The following ASPA variants were observed in gnomAD, a reference collection of about 807,000 sequenced individuals.
ASPA encodes ACY-2.
In ASPA, 25 loss-of-function variants were observed where a neutral mutation model predicts 29.6. That is an observed-to-expected ratio of 0.85 (90% CI 0.62 to 1.18). ASPA has a LOEUF of 1.18. ASPA is among the 50% of genes most tolerant of loss of function. The probability of loss-of-function intolerance (pLI) is 0.00; values close to 1 mark genes in which losing one functional copy is unlikely to be tolerated. For synonymous variants in ASPA, 131 were observed against 130.3 expected, an observed-to-expected ratio of 1.01 and a Z score of -0.04; for missense variants, 333 against 385.7, an observed-to-expected ratio of 0.86 and a Z score of 1.14.
At position 3,494,372 on chromosome 17, in the gene ASPA, C is replaced by A; in HGVS notation, c.657C>A (p.Ala219=). 6.2e-7 allele frequency: 1 copy of A among 1,612,048 alleles called. No homozygotes were observed. The highest frequency in any genetic ancestry group is 1.1e-5 in the South Asian group (1 of 91,032). The part of the protein sequence containing the change: ...FNEGKEFPPC[A]IEVYKIIEKV... ...TAGGAAAAGAATTTCCTCCCTGCGC[C>A]ATTGAGGTCTATAAAATTATAGAGA... Residue 219 remains alanine, a synonymous_variant, in exon 5 of 6, where the codon GCC becomes GCA. Transcript: ENST00000263080.
At position 3,499,068 on chromosome 17, in the gene ASPA, A is replaced by G. The variant is rs555537960; in HGVS notation, c.922A>G (p.Ile308Val). The stretch of plus-strand genomic sequence containing the variant: ...TAAACTAACGCTCAATGCAAAAAGT[A>G]TTCGCTGCTGTTTACATTAGAAATC... ...TTKLTLNAKS[I>V]RCCLH Residue 308 changes from isoleucine to valine, a missense_variant, in exon 6 of 6, where the codon ATT (isoleucine) becomes GTT (valine). Ile to Val is a conservative substitution (Grantham distance 29). Transcript: ENST00000263080. 1.9e-6 allele frequency: 3 copies of G among 1,614,110 alleles called. No individual in the cohort carries two copies. The East Asian group carries it at 6.7e-5, about 36-fold the overall frequency.
chr17:3,486,427 C>G (rs1296707717), intron 3 of ASPA, among the ~76,000 whole-genome samples: 1 of 152,146 alleles, frequency 6.6e-6, no homozygotes, highest in East Asian at 1.9e-4. Context: ...TCTCCACATC[C>G]CTCTTACCAC....
intron 3 of ASPA, among the ~76,000 whole-genome samples, chr17:3,487,737 T>C (rs1015639299): frequency 1.3e-5 from 2 of 152,224 alleles, no homozygotes; most frequent in Admixed American, 6.5e-5. Flanking sequence ...ACTTAAACTA[T>C]TCAACATTTA....
intron 3 of ASPA, 86 bp from the exon 4 acceptor site, chr17:3,489,149 T>C: frequency 1.2e-6 from 1 of 852,154 alleles, no homozygotes. Flanking sequence ...ACAACATAAT[T>C]CTAAATCTTG....
At position 3,489,279 on chromosome 17, in the gene ASPA, A is replaced by G; in HGVS notation, c.571A>G (p.Ile191Val). ...PQPQGVLRAD[I>V]LDQMRKMIKH... is the part of the protein sequence containing the mutation. ...GCCTCAAGGGGTTCTGAGAGCTGAT[A>G]TCTTGGATCAAATGAGAAAAATGAT... Residue 191 changes from isoleucine to valine, a missense_variant, in exon 4 of 6, where the codon ATC becomes GTC. By Grantham distance (29) the Ile-to-Val change is conservative. Coordinates refer to ENST00000263080, the MANE Select transcript of ASPA (RefSeq NM_000049.4). The G allele has an allele frequency of 1.9e-6, 3 of 1,613,104 alleles. No homozygotes were observed.
In ASPA at chr17:3,494,369, C is replaced by G; in HGVS notation, c.654C>G (p.Cys218Trp). The change falls in exon 5 of 6, where the codon TGC (cysteine) becomes TGG (tryptophan). Residue 218 changes from cysteine to tryptophan, a missense_variant. By Grantham distance (215) the Cys-to-Trp change is radical. Coordinates refer to ENST00000263080, the MANE Select transcript of ASPA (RefSeq NM_000049.4). ...HFNEGKEFPPCAIEVYKIIEK... is the reference protein window; with the variant it reads ...HFNEGKEFPPWAIEVYKIIEK... ...TCATAGGAAAAGAATTTCCTCCCTG[C>G]GCCATTGAGGTCTATAAAATTATAG... 1 of 1,611,172 alleles carries G rather than the reference C, an allele frequency of 6.2e-7. No homozygotes were observed. Among genetic ancestry groups the G allele is most frequent in the Non-Finnish European group, 8.5e-7 (1 of 1,177,354 alleles).
chr17:3,484,003 T>C (rs1446264148), intron 3 of ASPA, among the ~76,000 whole-genome samples: 1 of 152,162 alleles, frequency 6.6e-6, no homozygotes, highest in Non-Finnish European at 1.5e-5. Context: ...TCCATATCCT[T>C]AGGCTTATAA....
Position 3,499,211 on chromosome 17 carries a change from G to A in ASPA, c.*123G>A, listed in dbSNP as rs914573514. Reference sequence around the variant, plus strand: ...TAGCTCCTAGCACAGTGCCTTATTCGGTAGGCATCTAAGCACATTTCTTAA... The same window carrying A: ...TAGCTCCTAGCACAGTGCCTTATTCAGTAGGCATCTAAGCACATTTCTTAA... On this transcript the variant is annotated 3_prime_UTR_variant, in exon 6 of 6. Transcript: ENST00000263080. The A allele has an allele frequency of 2.1e-5, 19 of 922,660 alleles. No individual in the cohort carries two copies. Among genetic ancestry groups the A allele is most frequent in the African/African-American group, 5.1e-5 (3 of 59,174 alleles). 57.2% of individuals were successfully genotyped at this position (922,660 alleles called of 1,614,324 possible). A position where few individuals can be genotyped will look rare whatever the true frequency, so the allele number is the denominator to read the frequency against.
At chr17:3,486,601 C>A (rs1044894646) in intron 3 of ASPA, among the ~76,000 whole-genome samples, 2 of 152,184 alleles carry the variant, frequency 1.3e-5, no homozygotes, top group Non-Finnish European at 2.9e-5. Flanking sequence ...CTAGTCCATT[C>A]TCTTTCTTGA....
chr17:3,493,581 A>T (rs962457244), intron 4 of ASPA, among the ~76,000 whole-genome samples: 1 of 151,218 alleles, frequency 6.6e-6, no homozygotes. Context: ...AAAAAAAAAA[A>T]AAGGAAAGAA....
rs574538165 is a variant in ASPA at position 3,490,854 on chromosome 17, C to G, written c.634+1512C>G. ...GTGGAGAAAAGCAGTTCCTGGAACA[C>G]CCCACCCCTTAACCCCTTATCTCTG... On this transcript the variant is annotated intron_variant, in intron 4 of 5. Transcript: ENST00000263080. The surrounding 1 kb of genome is among the most constrained non-coding windows in gnomAD (Gnocchi z 4.6). Among the ~76,000 whole-genome samples the G allele has an allele frequency of 5.3e-5, 8 of 152,242 alleles. No individual in the cohort carries two copies. The highest frequency in any genetic ancestry group is 1.2e-4 in the Non-Finnish European group (8 of 68,008).
In ASPA at chr17:3,480,549, A is replaced by C. The variant is rs116645912; in HGVS notation, c.237-1054A>C. On this transcript the variant is annotated intron_variant, in intron 1 of 5. Coordinates refer to ENST00000263080, the MANE Select transcript of ASPA (RefSeq NM_000049.4). ...CTGATCTGTCAACTCAGGGTTTACA[A>C]AATATCTCAAGCCCTGATCTTAGGT... Among the ~76,000 whole-genome samples, 547 of 152,304 alleles carry C rather than the reference A, an allele frequency of 3.6e-3. 4 individuals are homozygous for C. The highest frequency in any genetic ancestry group is 0.012 in the African/African-American group (499 of 41,548).
chr17:3,492,021 C>A (rs1021416440), intron 4 of ASPA, among the ~76,000 whole-genome samples: 1 of 151,754 alleles, frequency 6.6e-6, no homozygotes, highest in Admixed American at 6.6e-5. Context: ...GGACTACAGG[C>A]GTGCACCACC....
Position 3,476,081 on chromosome 17 carries a change from TA to T in ASPA, c.-76del. 2 of 1,353,326 alleles carry T rather than the reference TA, an allele frequency of 1.5e-6. No individual in the cohort carries two copies. The highest frequency in any genetic ancestry group is 1.0e-6 in the Non-Finnish European group (1 of 953,844). 83.8% of individuals were successfully genotyped at this position (1,353,326 alleles called of 1,614,324 possible). A position where few individuals can be genotyped will look rare whatever the true frequency, so the allele number is the denominator to read the frequency against. ...TTGGGTAAAGTCTCATTTACATTTC[TA>T]AACCTTTCTTAAGAAAATCGAATTT... On this transcript the variant is annotated 5_prime_UTR_variant, in exon 1 of 6. Transcript: ENST00000263080.
chr17:3,491,056 G>A (rs1000538279), intron 4 of ASPA, among the ~76,000 whole-genome samples: 7 of 152,198 alleles, frequency 4.6e-5, no homozygotes, highest in Admixed American at 2.6e-4. Context: ...CTGAAGAAGT[G>A]TGTAGAAGGG....
chr17:3,493,618 A>G (rs1219843483), intron 4 of ASPA, among the ~76,000 whole-genome samples: 2 of 151,336 alleles, frequency 1.3e-5, no homozygotes, highest in Non-Finnish European at 2.9e-5. Flanking sequence ...AAGTCACCTC[A>G]GTTGCTGGAA....
At chr17:3,491,877 C>CTTTTTTT (rs540965896) in intron 4 of ASPA, among the ~76,000 whole-genome samples, 4 of 123,040 alleles carry the variant, frequency 3.3e-5, no homozygotes, top group South Asian at 2.5e-4. Context: ...CTTTTGTTTT[C>CTTTTTTT]TTTTTTTTTT....
In ASPA at chr17:3,476,247, C is replaced by T. The variant is rs2073520755; in HGVS notation, c.88C>T (p.Leu30=). The T allele has an allele frequency of 3.1e-6, 5 of 1,614,178 alleles. No individual in the cohort carries two copies. The highest frequency in any genetic ancestry group is 1.7e-5 in the Admixed American group (1 of 60,028). The change falls in exon 1 of 6, where the codon CTG becomes TTG. Residue 30 remains leucine (L), a synonymous_variant. Coordinates refer to ENST00000263080, the MANE Select transcript of ASPA (RefSeq NM_000049.4). ...THGNELTGVF[L]VKHWLENGAE... Reference sequence around the variant, plus strand: ...TGGGAATGAGCTAACCGGAGTATTTCTGGTTAAGCATTGGCTAGAGAATGG... The same window carrying T: ...TGGGAATGAGCTAACCGGAGTATTTTTGGTTAAGCATTGGCTAGAGAATGG...
In ASPA at chr17:3,481,636, G is replaced by T; in HGVS notation, c.270G>T (p.Val90=). 6.2e-7 allele frequency: 1 copy of T among 1,613,776 alleles called. No homozygotes were observed. Among genetic ancestry groups the T allele is most frequent in the Non-Finnish European group, 8.5e-7 (1 of 1,179,910 alleles). ...KKMSEDLPYE[V]RRAQEINHLF... is the part of the protein sequence containing the mutation. Reference sequence around the variant, plus strand: ...TGTCAGAAGATTTGCCATATGAAGTGAGAAGGGCTCAAGAAATAAATCATT... The same window carrying T: ...TGTCAGAAGATTTGCCATATGAAGTTAGAAGGGCTCAAGAAATAAATCATT... The change falls in exon 2 of 6, where the codon GTG becomes GTT. Residue 90 remains valine, a synonymous_variant. Coordinates refer to ENST00000263080, the MANE Select transcript of ASPA (RefSeq NM_000049.4).
Sources: gnomAD v4.1 joint callset for allele counts (sites outside exome capture counted in the v4.1 genomes callset) on GRCh38, gnomAD v4.1.1 for gene constraint, Gnocchi (gnomAD v3.1) non-coding constraint, MANE v1.5 for transcripts, NCBI Gene and HGNC (gene_info 2026-07-23, HGNC 2026-07-21) for gene names.